Variants in LPIN3 observed in about 807,000 individuals in gnomAD.
LPIN3 encodes phosphatidate phosphatase LPIN3.
In LPIN3, 82 loss-of-function variants were observed where a neutral mutation model predicts 94.7. That is an observed-to-expected ratio of 0.87 (90% CI 0.72 to 1.04). The LOEUF is 1.04. Among genes scored for constraint, LPIN3 ranks in the 50% least tolerant of loss-of-function variants. LPIN3 has a pLI of 0.00. For missense variants in LPIN3, 996 were observed against 1,090.5 expected, an observed-to-expected ratio of 0.91 and a Z score of 1.22; for synonymous variants, 418 against 443.3, an observed-to-expected ratio of 0.94 and a Z score of 0.72.
rs752971859 is a variant in LPIN3 at position 41,347,559 on chromosome 20, T to C, written c.200T>C (p.Ile67Thr). Reference sequence around the variant, plus strand: ...ACCGCTTTCCATTTGCAGGTAGACATTGAGCTCAATGGGGAGCCTGTGGAC... The same window carrying C: ...ACCGCTTTCCATTTGCAGGTAGACACTGAGCTCAATGGGGAGCCTGTGGAC... Reference protein sequence around the residue: ...VLRSREKVVDIELNGEPVDLH... With the variant: ...VLRSREKVVDTELNGEPVDLH... The change falls in exon 3 of 20, where the codon ATT becomes ACT. Residue 67 changes from isoleucine (I) to threonine (T), a missense_variant. By Grantham distance (89) the Ile-to-Thr change is moderately conservative. Transcript: ENST00000373257. 13 of 1,614,054 alleles carry C rather than the reference T, an allele frequency of 8.1e-6. No individual in the cohort carries two copies. The highest frequency in any genetic ancestry group is 4.4e-5 in the South Asian group (4 of 91,072).
intron 1 of LPIN3, among the ~76,000 whole-genome samples, chr20:41,342,280 C>A (rs926134448): frequency 6.6e-6 from 1 of 152,216 alleles, no homozygotes; most frequent in Non-Finnish European, 1.5e-5. Context: ...CCCAGATAAT[C>A]TGGTGCCTTT....
At chr20:41,351,366 G>A (rs534425623) in intron 7 of LPIN3, among the ~76,000 whole-genome samples, 3 of 148,240 alleles carry the variant, frequency 2.0e-5, no homozygotes, top group South Asian at 2.1e-4. Context: ...GTGCGACCTC[G>A]GCTCACTGCA....
At position 41,354,645 on chromosome 20, in the gene LPIN3, A is replaced by G; in HGVS notation, c.1528A>G (p.Ser510Gly). Reference sequence around the variant, plus strand: ...TGCCATGGCTTTCATCTGCCCACAGAGCACCATGGACAAGCTGGAGAGGGA... The same window carrying G: ...TGCCATGGCTTTCATCTGCCCACAGGGCACCATGGACAAGCTGGAGAGGGA... Reference protein sequence around the residue: ...LQAFQKNLPKSTMDKLEREKM... With the variant: ...LQAFQKNLPKGTMDKLEREKM... The change falls in exon 12 of 20, where the codon AGC becomes GGC. Residue 510 changes from serine (S) to glycine (G), a missense_variant and splice_region_variant. Ser to Gly is a moderately conservative substitution (Grantham distance 56). Coordinates refer to ENST00000373257, the MANE Select transcript of LPIN3 (RefSeq NM_022896.3). 6.3e-7 allele frequency: 1 copy of G among 1,576,034 alleles called. No homozygotes were observed. The highest frequency in any genetic ancestry group is 8.6e-7 in the Non-Finnish European group (1 of 1,159,224).
chr20:41,357,488 C>A, intron 16 of LPIN3, 41 bp downstream of exon 16: 1 of 1,537,022 alleles, frequency 6.5e-7, no homozygotes, highest in Non-Finnish European at 8.9e-7. Context: ...GCGAGGCCCC[C>A]AGCTCTAGAG....
At position 41,357,255 on chromosome 20, in the gene LPIN3, G is replaced by T. The variant is rs1369398810; in HGVS notation, c.1952+67G>T. 2.5e-6 allele frequency: 4 copies of T among 1,607,352 alleles called. No individual in the cohort carries two copies. The African/African-American group carries it at 4.0e-5, about 16-fold the overall frequency. On this transcript the variant is annotated intron_variant, in intron 15 of 19. Transcript: ENST00000373257. ...GTGGACTCGCCTCCCTCTGTGCTGGGTGTGGTGGGGAGTGAGAGGAGCCCT... is the reference window on the plus strand; with the variant it reads ...GTGGACTCGCCTCCCTCTGTGCTGGTTGTGGTGGGGAGTGAGAGGAGCCCT...
rs150562240 is a variant in LPIN3, at chr20:41,348,660, G to A, written c.330G>A (p.Trp110Ter). ...PPGLCTSPIP[W>*]GGLSGFPSDS... ...GCCTGTGCACCTCACCCATCCCTTG[G>A]GGGGGTCTGTCTGGCTTCCCCTCGG... Residue 110 changes from tryptophan to a stop codon, truncating the protein, a stop_gained, in exon 4 of 20, where the codon TGG (tryptophan) becomes TGA (stop). Transcript: ENST00000373257. LOFTEE classifies it high-confidence loss of function. 1.9e-6 allele frequency: 3 copies of A among 1,613,626 alleles called. No individual in the cohort carries two copies. The highest frequency in any genetic ancestry group is 2.2e-5 in the East Asian group (1 of 44,860).
At chr20:41,352,515 G>C in intron 9 of LPIN3, 91 bp from the exon 10 acceptor site, 1 of 1,166,640 alleles carries the variant, frequency 8.6e-7, no homozygotes, top group Non-Finnish European at 1.3e-6. Flanking sequence ...CCGACAGGAG[G>C]TGAGCAGCAG....
Position 41,359,205 on chromosome 20 carries a change from G to A in LPIN3, c.*339G>A, listed in dbSNP as rs576404797. The A allele has an allele frequency of 9.6e-4, 153 of 158,598 alleles. No homozygotes were observed. The Admixed American group carries it at 0.01, about 11-fold the overall frequency. The allele number at this position is 158,598 out of a possible 1,614,324, so 9.8% of individuals were successfully genotyped here. A position where few individuals can be genotyped will look rare whatever the true frequency, so the allele number is the denominator to read the frequency against. ...CTGGAGTGCAGTGGCATGATCTCTC[G>A]GCTCACTGCAACCTCCGCCTCCCGG... On this transcript the variant is annotated 3_prime_UTR_variant, in exon 20 of 20. Transcript: ENST00000373257.
chr20:41,349,035 T>C, intron 4 of LPIN3, 57 bp from the exon 5 acceptor site: 2 of 1,604,874 alleles, frequency 1.2e-6, no homozygotes, highest in East Asian at 2.2e-5. Context: ...CAGGCTCTCA[T>C]GCCTGCCTGG....
rs1377903112 is a variant in LPIN3, at chr20:41,352,193, C to T, written c.1336C>T (p.Leu446=). ...AATAGCACTGTCCCTCTGTGGTGGA[C>T]TGGCTGACAGCCGGGACATCTCCCT... ...DTIALSLCGG[L]ADSRDISLEK... The change falls in exon 9 of 20, where the codon CTG becomes TTG. Residue 446 remains leucine, a synonymous_variant. Coordinates refer to ENST00000373257, the MANE Select transcript of LPIN3 (RefSeq NM_022896.3). 6.2e-7 allele frequency: 1 copy of T among 1,614,100 alleles called. No homozygotes were observed. Among genetic ancestry groups the T allele is most frequent in the African/African-American group, 1.3e-5 (1 of 74,944 alleles).
intron 10 of LPIN3, 28 bp downstream of exon 10, chr20:41,352,727 A>C (rs373049633): frequency 1.8e-5 from 29 of 1,612,810 alleles, no homozygotes; most frequent in Non-Finnish European, 2.5e-5. Flanking sequence ...GGCTGCTGGC[A>C]GCCGGAGAGT....
intron 13 of LPIN3, among the ~76,000 whole-genome samples, chr20:41,355,532 C>T (rs1371732838): frequency 6.6e-6 from 1 of 152,216 alleles, no homozygotes; most frequent in Non-Finnish European, 1.5e-5. Context: ...TGAAGTGACC[C>T]AGCTGCCTAA....
At chr20:41,351,321 G>T (rs1264687301) in intron 7 of LPIN3, among the ~76,000 whole-genome samples, 1 of 145,474 alleles carries the variant, frequency 6.9e-6, no homozygotes, top group Admixed American at 7.0e-5. Flanking sequence ...TTTTGAGATG[G>T]AGTCTCGCTC....
intron 13 of LPIN3, among the ~76,000 whole-genome samples, chr20:41,355,371 C>G (rs1239618700): frequency 6.6e-6 from 1 of 152,184 alleles, no homozygotes; most frequent in Non-Finnish European, 1.5e-5. Flanking sequence ...AAAATGAGGC[C>G]TAGAGACACA....
chr20:41,354,436 C>T (rs1253018525), intron 11 of LPIN3, among the ~76,000 whole-genome samples: 1 of 152,194 alleles, frequency 6.6e-6, no homozygotes, highest in Non-Finnish European at 1.5e-5. Context: ...AGGAATAGCC[C>T]TTGGTCTTTT....
At position 41,345,856 on chromosome 20, in the gene LPIN3, T is replaced by C; in HGVS notation, c.53T>C (p.Leu18Pro). The C allele has an allele frequency of 6.2e-7, 1 of 1,614,172 alleles. No individual in the cohort carries two copies. Among genetic ancestry groups the C allele is most frequent in the Middle Eastern group, 1.6e-4 (1 of 6,062 alleles). Residue 18 changes from leucine (L) to proline (P), a missense_variant, in exon 2 of 20, where the codon CTG becomes CCG. Coordinates refer to ENST00000373257, the MANE Select transcript of LPIN3 (RefSeq NM_022896.3). ...ACGGTGTTTGGGACGGTGAAGGAGCTGTACCGGGGCCTGAACCCAGCCACA... is the reference window on the plus strand; with the variant it reads ...ACGGTGTTTGGGACGGTGAAGGAGCCGTACCGGGGCCTGAACCCAGCCACA... ...AETVFGTVKE[L>P]YRGLNPATLS...
At chr20:41,358,626 AC>A (rs2046301901) in intron 19 of LPIN3, 84 bp downstream of exon 19, 2 of 1,603,374 alleles carry the variant, frequency 1.2e-6, no homozygotes, top group Non-Finnish European at 1.7e-6. Flanking sequence ...TTTACCTCTT[AC>A]CGGGGAGTCT....
chr20:41,356,024 C>T lies in LPIN3; in HGVS notation c.1793C>T (p.Ser598Phe), dbSNP rs745500799. 215 of 1,613,808 alleles carry T rather than the reference C, an allele frequency of 1.3e-4. No homozygotes were observed. Among genetic ancestry groups the T allele is most frequent in the Admixed American group, 3.7e-4 (22 of 59,986 alleles). The change falls in exon 14 of 20, where the codon TCC becomes TTC. Residue 598 changes from serine to phenylalanine, a missense_variant. Transcript: ENST00000373257. ...PTYKKSLRLS[S>F]DQIRRLNLQE... ...TACAAGAAGTCCCTCCGCCTCTCCT[C>T]CGATCAGATCGTAAGTGTGGGTTGT... is the stretch of plus-strand genomic sequence containing the variant.
At chr20:41,351,783 C>T (rs1428708133) in intron 7 of LPIN3, 38 bp from the exon 8 acceptor site, 1 of 1,587,472 alleles carries the variant, frequency 6.3e-7, no homozygotes, top group Non-Finnish European at 8.7e-7. Flanking sequence ...CTGCTGAGCA[C>T]ATGTCAGCTC....
Sources: allele counts gnomAD v4.1 joint callset (sites outside exome capture counted in the v4.1 genomes callset), GRCh38; gene constraint gnomAD v4.1.1; transcripts MANE v1.5; gene names NCBI Gene and HGNC (gene_info 2026-07-23, HGNC 2026-07-21).